PPP3CA: variants seen among roughly 807,000 people sequenced by gnomAD.
PPP3CA encodes the protein protein phosphatase 3 catalytic subunit alpha.
Under a neutral mutation model 66.5 loss-of-function variants are expected in PPP3CA, and 14 were observed. That is an observed-to-expected ratio of 0.21 (90% confidence interval 0.14 to 0.33). The LOEUF (loss-of-function observed/expected upper bound fraction) is 0.33. Ranked by LOEUF, PPP3CA falls within the 10% of genes least tolerant of loss-of-function variation. The probability of loss-of-function intolerance (pLI) is 1.00; values close to 1 mark genes in which losing one functional copy is unlikely to be tolerated. For synonymous variants in PPP3CA, 232 were observed against 226.2 expected (o/e 1.03, Z -0.23); for missense variants, 317 against 639.5 (o/e 0.50, Z 5.44).
chr4:101,267,867 T>C (rs1312177664), intron 1 of PPP3CA, among the ~76,000 whole-genome samples: 2 of 152,156 alleles, frequency 1.3e-5, no homozygotes, highest in Non-Finnish European at 2.9e-5. Context: ...ATACTATTGT[T>C]AACTTGCATA....
intron 11 of PPP3CA, among the ~76,000 whole-genome samples, chr4:101,033,840 C>G (rs941913549): frequency 6.6e-6 from 1 of 152,204 alleles, no homozygotes; most frequent in Admixed American, 6.5e-5. Flanking sequence ...ATTTGTTTCT[C>G]TTGGACATTT....
At chr4:101,115,233 A>G (rs918874357) in intron 2 of PPP3CA, among the ~76,000 whole-genome samples, 10 of 151,968 alleles carry the variant, frequency 6.6e-5, no homozygotes, top group African/African-American at 2.4e-4. Context: ...AATCCCTAAA[A>G]CCAGTGTGCT....
chr4:101,335,070 C>T (rs957216965), intron 1 of PPP3CA, among the ~76,000 whole-genome samples: 14 of 151,980 alleles, frequency 9.2e-5, no homozygotes, highest in Admixed American at 5.2e-4. Flanking sequence ...AATCCACTCT[C>T]GTTTATACGT....
intron 1 of PPP3CA, among the ~76,000 whole-genome samples, chr4:101,314,194 T>C (rs1728810437): frequency 6.6e-6 from 1 of 152,210 alleles, no homozygotes; most frequent in African/African-American, 2.4e-5. Flanking sequence ...TATCCAACAC[T>C]TGTACTGACA....
Position 101,128,445 on chromosome 4 carries a change from G to T in PPP3CA, c.260-19367C>A, listed in dbSNP as rs558851468. On this transcript the variant is annotated intron_variant, in intron 2 of 13. Coordinates refer to ENST00000394854, the MANE Select transcript of PPP3CA (RefSeq NM_000944.5). ...AAATTTTTTATTAAAATTAATTTTT[G>T]ATTCCTGGGCAAGATGGCCGAATAG... is the stretch of plus-strand genomic sequence containing the variant. Among the ~76,000 whole-genome samples, 586 of 151,924 alleles carry T rather than the reference G, an allele frequency of 3.9e-3. 3 individuals carry two copies. The highest frequency in any genetic ancestry group is 6.6e-3 in the Non-Finnish European group (446 of 67,946).
chr4:101,346,505 G>A (rs1043584042), intron 1 of PPP3CA, among the ~76,000 whole-genome samples: 3 of 151,888 alleles, frequency 2.0e-5, no homozygotes, highest in African/African-American at 7.3e-5. Flanking sequence ...GCCAACTGAC[G>A]CCCCCGTCAA....
At chr4:101,137,687 G>T (rs933361476) in intron 2 of PPP3CA, among the ~76,000 whole-genome samples, 1 of 152,040 alleles carries the variant, frequency 6.6e-6, no homozygotes, top group Non-Finnish European at 1.5e-5. Flanking sequence ...ACTTTTCACT[G>T]TGGCTGATTT....
chr4:101,233,420 A>T (rs1726027927), intron 1 of PPP3CA, among the ~76,000 whole-genome samples: 1 of 151,856 alleles, frequency 6.6e-6, no homozygotes, highest in Non-Finnish European at 1.5e-5. Flanking sequence ...AGTGAAACTA[A>T]GTCATTAACA....
intron 5 of PPP3CA, 49 bp from the exon 6 acceptor site, chr4:101,093,964 A>G: frequency 6.6e-7 from 1 of 1,518,614 alleles, no homozygotes; most frequent in Non-Finnish European, 8.9e-7. Context: ...TTGGAAACTT[A>G]GAATTCTGAC....
intron 1 of PPP3CA, among the ~76,000 whole-genome samples, chr4:101,295,029 C>T (rs1419533500): frequency 1.1e-4 from 16 of 152,190 alleles, no homozygotes; most frequent in African/African-American, 2.4e-4. Context: ...GGGCCGGGCG[C>T]GGTGGCTCAC....
intron 1 of PPP3CA, among the ~76,000 whole-genome samples, chr4:101,279,463 T>G (rs192006726): frequency 6.6e-6 from 1 of 152,296 alleles, no homozygotes. Context: ...CTGCTGTGCT[T>G]GTGGGGCAGC....
chr4:101,283,073 CA>C (rs1365070073), intron 1 of PPP3CA, among the ~76,000 whole-genome samples: 1 of 152,052 alleles, frequency 6.6e-6, no homozygotes, highest in Non-Finnish European at 1.5e-5. Flanking sequence ...TAAAACAAAA[CA>C]AAAAACCCTT....
At chr4:101,275,859 T>A (rs1291153325) in intron 1 of PPP3CA, among the ~76,000 whole-genome samples, 1 of 136,038 alleles carries the variant, frequency 7.4e-6, no homozygotes, top group Non-Finnish European at 1.5e-5. Context: ...TGTGTATGTG[T>A]GGTTTTTTTT....
intron 1 of PPP3CA, among the ~76,000 whole-genome samples, chr4:101,268,516 T>C (rs1271208449): frequency 6.6e-6 from 1 of 152,082 alleles, no homozygotes; most frequent in Non-Finnish European, 1.5e-5. Context: ...ACCCTAAATA[T>C]GTCTATACCA....
chr4:101,125,307 C>T (rs1048090107), intron 2 of PPP3CA, among the ~76,000 whole-genome samples: 4 of 152,224 alleles, frequency 2.6e-5, no homozygotes, highest in Admixed American at 2.6e-4. Context: ...ATCAACTTCT[C>T]TCTGCACTTT....
At chr4:101,183,810 C>T (rs1157211329) in intron 2 of PPP3CA, among the ~76,000 whole-genome samples, 5 of 152,062 alleles carry the variant, frequency 3.3e-5, no homozygotes, top group African/African-American at 1.2e-4. Flanking sequence ...TATTGCACTG[C>T]TTTGCTTTTC....
At chr4:101,154,801 T>C (rs916143617) in intron 2 of PPP3CA, among the ~76,000 whole-genome samples, 3 of 143,290 alleles carry the variant, frequency 2.1e-5, no homozygotes, top group Admixed American at 1.5e-4. Context: ...ACACATTCAC[T>C]CCCAGAATTT....
chr4:101,122,334 A>C (rs1200085865), intron 2 of PPP3CA, among the ~76,000 whole-genome samples: 1 of 152,124 alleles, frequency 6.6e-6, no homozygotes, highest in Non-Finnish European at 1.5e-5. Context: ...TAGTACAGTA[A>C]GCTATACTTT....
chr4:101,046,531 A>AT (rs1395616350), intron 10 of PPP3CA, among the ~76,000 whole-genome samples: 2 of 151,958 alleles, frequency 1.3e-5, no homozygotes, highest in African/African-American at 4.8e-5. Flanking sequence ...TTATACTAAA[A>AT]TTTTTTGTGT....
Sources: allele counts gnomAD v4.1 joint callset (sites outside exome capture counted in the v4.1 genomes callset), GRCh38; gene constraint gnomAD v4.1.1; transcripts MANE v1.5; gene names NCBI Gene and HGNC (gene_info 2026-07-23, HGNC 2026-07-21).